Variants in SPRED2 observed in about 807,000 individuals in gnomAD.
SPRED2 encodes the protein sprouty related EVH1 domain containing 2.
A neutral mutation model predicts 43.0 loss-of-function variants in SPRED2; 47 were observed. The observed-to-expected ratio is 1.09, with a 90% CI of 0.87 to 1.40. SPRED2 has a LOEUF of 1.40. SPRED2 is among the 40% of genes most tolerant of loss of function. The pLI is 0.00. For synonymous variants in SPRED2, 225 were observed against 225.7 expected, an observed-to-expected ratio of 1.00 and a Z score of 0.03; for missense variants, 561 against 586.4, an observed-to-expected ratio of 0.96 and a Z score of 0.45.
chr2:65,325,673 G>C (rs533778013), intron 4 of SPRED2, among the ~76,000 whole-genome samples: 4 of 152,322 alleles, frequency 2.6e-5, no homozygotes, highest in African/African-American at 7.2e-5. Flanking sequence ...AGGTGCAGTG[G>C]CTCATGCCTG....
intron 1 of SPRED2, among the ~76,000 whole-genome samples, chr2:65,394,864 C>T (rs572251756): frequency 6.6e-6 from 1 of 152,304 alleles, no homozygotes; most frequent in Admixed American, 6.5e-5. Flanking sequence ...AAAACAACAA[C>T]AACTGCATTT....
intron 1 of SPRED2, among the ~76,000 whole-genome samples, chr2:65,412,949 T>C (rs947549525): frequency 6.6e-6 from 1 of 152,190 alleles, no homozygotes; most frequent in Admixed American, 6.5e-5. Flanking sequence ...TGACCTATTA[T>C]GGTTACAATT....
intron 1 of SPRED2, among the ~76,000 whole-genome samples, chr2:65,366,097 C>T (rs1161334537): frequency 6.6e-6 from 1 of 152,106 alleles, no homozygotes; most frequent in Non-Finnish European, 1.5e-5. Flanking sequence ...AGCTTTCTTG[C>T]ATTAAGTCAC....
At chr2:65,416,118 T>C (rs765150481) in intron 1 of SPRED2, among the ~76,000 whole-genome samples, 1 of 152,198 alleles carries the variant, frequency 6.6e-6, no homozygotes, top group Non-Finnish European at 1.5e-5. Context: ...AGCTAAAGCA[T>C]GTTAGAATCT....
At chr2:65,430,288 C>G (rs1357614830) in intron 1 of SPRED2, among the ~76,000 whole-genome samples, 1 of 152,166 alleles carries the variant, frequency 6.6e-6, no homozygotes, top group Non-Finnish European at 1.5e-5. Flanking sequence ...GAAACACCAG[C>G]AGATGCGGTG....
chr2:65,345,559 A>G (rs1674329138), intron 1 of SPRED2, among the ~76,000 whole-genome samples: 1 of 152,106 alleles, frequency 6.6e-6, no homozygotes, highest in East Asian at 1.9e-4. Flanking sequence ...CCACGCCCAG[A>G]CTACAAACCT....
intron 1 of SPRED2, among the ~76,000 whole-genome samples, chr2:65,353,416 G>A (rs549457466): frequency 6.6e-6 from 1 of 152,234 alleles, no homozygotes; most frequent in African/African-American, 2.4e-5. Context: ...AAAAGAGGCC[G>A]TTTCCTCCAT....
At chr2:65,377,484 T>C (rs1675269578) in intron 1 of SPRED2, 2 of 436,432 alleles carry the variant, frequency 4.6e-6, no homozygotes, top group Non-Finnish European at 9.6e-6. Context: ...CAAAGCCTCA[T>C]CACCCATTAA....
chr2:65,336,623 A>C (rs1473033680), intron 2 of SPRED2, among the ~76,000 whole-genome samples: 3 of 152,224 alleles, frequency 2.0e-5, no homozygotes, highest in African/African-American at 7.2e-5. Context: ...GGGAAATCCA[A>C]ATAATCAAGA....
rs776102186 is a variant in SPRED2, at chr2:65,316,759, G to C, written c.563C>G (p.Pro188Arg). The part of the protein sequence containing the change: ...YTLGHLHDSY[P>R]TDHYHLDQPM... ...CTGATCGAGGTGATAGTGGTCTGTG[G>C]GGTATGAGTCGTGGAGGTGGCCCAG... Residue 188 changes from proline to arginine, a missense_variant, in exon 5 of 6, where the codon CCC becomes CGC. This residue lies in a region of SPRED2 where 305 missense variants were observed against 282.4 expected (regional missense o/e 1.08). Coordinates refer to ENST00000356388, the MANE Select transcript of SPRED2 (RefSeq NM_181784.3). 3.1e-6 allele frequency: 5 copies of C among 1,611,972 alleles called. No homozygotes were observed. Among genetic ancestry groups the C allele is most frequent in the Non-Finnish European group, 3.4e-6 (4 of 1,179,332 alleles).
At chr2:65,380,686 G>C (rs1675351886) in intron 1 of SPRED2, 1 of 152,064 alleles carries the variant, frequency 6.6e-6, no homozygotes, top group Non-Finnish European at 1.5e-5. Context: ...TTCCACAAAG[G>C]CTTCTGAAAA....
intron 1 of SPRED2, among the ~76,000 whole-genome samples, chr2:65,397,706 A>G (rs1259800016): frequency 6.6e-6 from 1 of 151,892 alleles, no homozygotes; most frequent in East Asian, 1.9e-4. Flanking sequence ...CACTTCCTGA[A>G]GACAGGAGCC....
intron 4 of SPRED2, among the ~76,000 whole-genome samples, chr2:65,323,744 C>T (rs1673507127): frequency 6.6e-6 from 1 of 151,972 alleles, no homozygotes; most frequent in South Asian, 2.1e-4. Context: ...GGCGTGGTGG[C>T]AGGAACCTGT....
At chr2:65,321,527 AAAAG>A (rs1395448637) in intron 4 of SPRED2, among the ~76,000 whole-genome samples, 11 of 148,902 alleles carry the variant, frequency 7.4e-5, no homozygotes, top group African/African-American at 1.5e-4. Flanking sequence ...AAAAAAAAAA[AAAAG>A]ATGTCCAATT....
At chr2:65,309,682 A>T (rs1199595560), downstream of SPRED2, among the ~76,000 whole-genome samples, 2 of 152,066 alleles carry the variant, frequency 1.3e-5, no homozygotes, top group African/African-American at 4.8e-5. Context: ...GTGCTTCCTC[A>T]CTTGTAAGGT....
chr2:65,427,838 A>G (rs944072716), intron 1 of SPRED2, among the ~76,000 whole-genome samples: 1 of 152,224 alleles, frequency 6.6e-6, no homozygotes, highest in African/African-American at 2.4e-5. Flanking sequence ...TGGTTAGTTA[A>G]GAGCACAGAG....
In SPRED2 at chr2:65,334,699, G is replaced by A. The variant is rs200481007; in HGVS notation, c.279C>T (p.Val93=). 1.1e-5 allele frequency: 18 copies of A among 1,614,090 alleles called. No individual in the cohort carries two copies. The East Asian group carries it at 2.7e-4, about 24-fold the overall frequency. Residue 93 remains valine (V), a synonymous_variant, in exon 3 of 6, where the codon GTC becomes GTT. Coordinates refer to ENST00000356388, the MANE Select transcript of SPRED2 (RefSeq NM_181784.3). ...KANPTFHHWK[V]DNRKFGLTFQ... is the part of the protein sequence containing the mutation. ...AAGTAAGTCCAAACTTCCTATTATC[G>A]ACCTTCCAGTGATGAAACGTTGGAT...
intron 1 of SPRED2, among the ~76,000 whole-genome samples, chr2:65,422,182 G>T (rs577405770): frequency 4.6e-5 from 7 of 150,978 alleles, no homozygotes; most frequent in Non-Finnish European, 1.0e-4. Flanking sequence ...GACTTGAAAA[G>T]CTTGCTTGTT....
chr2:65,430,664 C>T (rs1349151596), intron 1 of SPRED2, among the ~76,000 whole-genome samples: 1 of 152,154 alleles, frequency 6.6e-6, no homozygotes, highest in East Asian at 1.9e-4. Context: ...CCCACACTCC[C>T]CTGCAAAGAC....
Sources: gnomAD v4.1 joint callset for allele counts (sites outside exome capture counted in the v4.1 genomes callset) on GRCh38, gnomAD v4.1.1 for gene constraint, gnomAD v4.1.1 regional missense constraint, MANE v1.5 for transcripts, NCBI Gene and HGNC (gene_info 2026-07-23, HGNC 2026-07-21) for gene names.